The following PDE8B variants were observed in gnomAD, a reference collection of about 807,000 sequenced individuals.
The protein encoded by PDE8B is phosphodiesterase 8B, also known as high affinity cAMP-specific and IBMX-insensitive 3',5'-cyclic phosphodiesterase 8B.
Under a neutral mutation model 101.3 loss-of-function variants are expected in PDE8B, and 26 were observed. The observed-to-expected ratio is 0.26, with a 90% CI of 0.19 to 0.36. PDE8B has a LOEUF of 0.36. Ranked by LOEUF, PDE8B falls within the 10% of genes least tolerant of loss-of-function variation. PDE8B has a pLI of 1.00. For missense variants in PDE8B, 810 were observed against 1,163.1 expected (o/e 0.70, Z 4.42); for synonymous variants, 424 against 429.3 (o/e 0.99, Z 0.15).
chr5:77,324,628 A>G (rs1040215301), intron 2 of PDE8B, among the ~76,000 whole-genome samples: 5 of 152,220 alleles, frequency 3.3e-5, no homozygotes, highest in Non-Finnish European at 5.9e-5. Context: ...TAGCTCCATC[A>G]GCTTTACATT....
chr5:77,181,874 G>A, the PDE8B span, among the ~76,000 whole-genome samples: 20 of 152,300 alleles, frequency 1.3e-4, no homozygotes, highest in Admixed American at 1.2e-3. Flanking sequence ...CAGGGGAGGC[G>A]AGGGCCAGAG....
chr5:77,252,151 G>A (rs1437461580), intron 1 of PDE8B, among the ~76,000 whole-genome samples: 1 of 152,174 alleles, frequency 6.6e-6, no homozygotes, highest in African/African-American at 2.4e-5. Flanking sequence ...TAGATGACTC[G>A]TTGCTGCAAG....
chr5:77,284,265 T>C (rs530871749), intron 1 of PDE8B, among the ~76,000 whole-genome samples: 11 of 152,352 alleles, frequency 7.2e-5, no homozygotes, highest in African/African-American at 2.6e-4. Flanking sequence ...TTTCTTCCTG[T>C]CTGTGATGTC....
chr5:77,238,290 G>T (rs1295827076), intron 1 of PDE8B, among the ~76,000 whole-genome samples: 1 of 151,988 alleles, frequency 6.6e-6, no homozygotes, highest in South Asian at 2.1e-4. Flanking sequence ...GTTCAGATTG[G>T]ATAATTTGTA....
chr5:77,222,619 G>A (rs1279011477), intron 1 of PDE8B, among the ~76,000 whole-genome samples: 1 of 152,160 alleles, frequency 6.6e-6, no homozygotes, highest in African/African-American at 2.4e-5. Flanking sequence ...CACGTTTCGG[G>A]AGCTTCCATT....
chr5:77,344,242 A>G (rs766079559), intron 6 of PDE8B, among the ~76,000 whole-genome samples: 5 of 152,254 alleles, frequency 3.3e-5, no homozygotes, highest in Admixed American at 6.5e-5. Flanking sequence ...CTACACATTT[A>G]TACAGCTGAT....
the PDE8B span, among the ~76,000 whole-genome samples, chr5:77,130,286 A>G: frequency 1.3e-5 from 2 of 152,186 alleles, no homozygotes; most frequent in South Asian, 4.1e-4. Flanking sequence ...GGTGTGGGGA[A>G]GTTAGAGAAA....
At chr5:77,402,272 T>G (rs947473219) in intron 11 of PDE8B, among the ~76,000 whole-genome samples, 3 of 151,854 alleles carry the variant, frequency 2.0e-5, no homozygotes, top group South Asian at 2.1e-4. Context: ...TATATATATA[T>G]AGAAACTTAT....
the PDE8B span, among the ~76,000 whole-genome samples, chr5:77,091,499 G>A: frequency 1.4e-4 from 22 of 152,150 alleles, no homozygotes; most frequent in East Asian, 3.1e-3. Flanking sequence ...AAAATTAGCC[G>A]GGTGTGGTGG....
chr5:77,343,677 A>G (rs978374171), intron 6 of PDE8B, among the ~76,000 whole-genome samples: 1 of 152,162 alleles, frequency 6.6e-6, no homozygotes, highest in Non-Finnish European at 1.5e-5. Flanking sequence ...CACAAAATTC[A>G]TTAAAACATT....
chr5:77,221,007 AG>A (rs1300573168), intron 1 of PDE8B, among the ~76,000 whole-genome samples: 1 of 152,198 alleles, frequency 6.6e-6, no homozygotes, highest in Non-Finnish European at 1.5e-5. Context: ...CCAGGTAAAA[AG>A]GGGTGTGTCG....
intron 20 of PDE8B, among the ~76,000 whole-genome samples, chr5:77,423,757 C>T (rs143565719): frequency 6.7e-6 from 1 of 148,978 alleles, no homozygotes; most frequent in Non-Finnish European, 1.5e-5. Flanking sequence ...CTGCCTCAGC[C>T]TCCCAAGTAG....
the PDE8B span, among the ~76,000 whole-genome samples, chr5:77,156,911 G>A: frequency 6.6e-6 from 1 of 152,284 alleles, no homozygotes; most frequent in South Asian, 2.1e-4. Flanking sequence ...GAGGATGGGA[G>A]AAGAGGAAAG....
chr5:77,274,187 A>G (rs114248100), intron 1 of PDE8B, among the ~76,000 whole-genome samples: 1,871 of 152,268 alleles, frequency 0.012, 27 homozygotes, highest in African/African-American at 0.042. Flanking sequence ...AATGAATGCA[A>G]ATGTTTAGGT....
intron 1 of PDE8B, among the ~76,000 whole-genome samples, chr5:77,303,965 G>T (rs1382048459): frequency 6.6e-6 from 1 of 152,048 alleles, no homozygotes; most frequent in East Asian, 1.9e-4. Context: ...ATAGACTATG[G>T]ATTCAGTTTT....
In PDE8B at chr5:77,312,068, C is replaced by A; in HGVS notation, c.399+15C>A. The stretch of plus-strand genomic sequence containing the variant: ...ACCCTATTCAGGTACGCCTCCTTTA[C>A]TCAGCCCTGTGACTCAGATTATTTT... On this transcript the variant is annotated intron_variant, in intron 2 of 21. Coordinates refer to ENST00000264917, the MANE Select transcript of PDE8B (RefSeq NM_003719.5). The A allele has an allele frequency of 1.9e-6, 3 of 1,559,188 alleles. No individual in the cohort carries two copies. Among genetic ancestry groups the A allele is most frequent in the East Asian group, 2.2e-5 (1 of 44,592 alleles).
At chr5:77,166,226 T>TAAAAAAAAAAAAAAAA in the PDE8B span, among the ~76,000 whole-genome samples, 1 of 116,344 alleles carries the variant, frequency 8.6e-6, no homozygotes, top group Non-Finnish European at 1.7e-5. Flanking sequence ...TCGGTAAAGA[T>TAAAAAAAAAAAAAAAA]AAAAAAAAAA....
chr5:77,278,401 G>A (rs1209991173), intron 1 of PDE8B, among the ~76,000 whole-genome samples: 1 of 152,188 alleles, frequency 6.6e-6, no homozygotes, highest in Non-Finnish European at 1.5e-5. Flanking sequence ...AAATCATAAA[G>A]CCAAGTGTCT....
At chr5:77,372,443 T>G in intron 10 of PDE8B, among the ~76,000 whole-genome samples, 1 of 152,194 alleles carries the variant, frequency 6.6e-6, no homozygotes, top group Non-Finnish European at 1.5e-5. Flanking sequence ...TATTAAATGA[T>G]CTTGAAAATA....
Sources: allele counts gnomAD v4.1 joint callset (sites outside exome capture counted in the v4.1 genomes callset), GRCh38; gene constraint gnomAD v4.1.1; transcripts MANE v1.5; gene names NCBI Gene and HGNC (gene_info 2026-07-23, HGNC 2026-07-21).